The following SCML2 variants were observed in gnomAD, a reference collection of about 807,000 sequenced individuals.
The protein encoded by SCML2 is Scm polycomb group protein like 2, also known as sex comb on midleg-like protein 2.
A neutral mutation model predicts 48.4 loss-of-function variants in SCML2; 6 were observed. That is an observed-to-expected ratio of 0.12 (90% CI 0.07 to 0.24). The LOEUF is 0.24. Among genes scored for constraint, SCML2 ranks in the 10% least tolerant of loss-of-function variants. SCML2 has a pLI of 1.00. For synonymous variants in SCML2, 181 were observed against 189.5 expected (o/e 0.95, Z 0.37); for missense variants, 377 against 528.2 (o/e 0.71, Z 2.81).
intron 7 of SCML2, among the ~76,000 whole-genome samples, chrX:18,284,666 T>C (rs1927983060): frequency 8.9e-6 from 1 of 112,318 alleles, no homozygotes; most frequent in Admixed American, 9.4e-5. Context: ...TCATCACTAA[T>C]TATCAGAGAA....
chrX:18,274,460 T>C (rs1927564370), intron 7 of SCML2, among the ~76,000 whole-genome samples: 1 of 112,389 alleles, frequency 8.9e-6, no homozygotes, highest in Non-Finnish European at 1.9e-5. Context: ...AGCCTCTTAA[T>C]TGCCATTCCA....
chrX:18,347,723 C>CAAAA (rs749758995), intron 1 of SCML2, among the ~76,000 whole-genome samples: 5 of 21,923 alleles, frequency 2.3e-4, no homozygotes, highest in Non-Finnish European at 2.7e-4. Flanking sequence ...GACTCCGTCT[C>CAAAA]AAAAAAAAAA....
chrX:18,248,196 G>A (rs374761800), intron 11 of SCML2, among the ~76,000 whole-genome samples: 2 of 111,679 alleles, frequency 1.8e-5, no homozygotes, highest in South Asian at 7.5e-4. Flanking sequence ...TGTCTAAAAT[G>A]GCCTGAGAAA....
intron 7 of SCML2, among the ~76,000 whole-genome samples, chrX:18,285,716 G>GT (rs1413211099): frequency 9.0e-6 from 1 of 111,330 alleles, no homozygotes; most frequent in Non-Finnish European, 1.9e-5. Flanking sequence ...TTAGTTTTTT[G>GT]TTTTTTCCTC....
At chrX:18,325,086 G>T (rs746154369) in intron 3 of SCML2, 109 bp from the exon 4 acceptor site, 65 of 241,652 alleles carry the variant, frequency 2.7e-4, no homozygotes, top group East Asian at 5.1e-4. Context: ...CCTCTTAAAA[G>T]AAAAAAAAAA....
chrX:18,338,307 G>C (rs925046775), intron 1 of SCML2, among the ~76,000 whole-genome samples: 3 of 109,844 alleles, frequency 2.7e-5, no homozygotes, highest in Non-Finnish European at 5.7e-5. Context: ...AGCCGGGCAT[G>C]GTGGCACATG....
intron 10 of SCML2, 109 bp downstream of exon 10, chrX:18,257,935 A>G (rs1434500160): frequency 5.0e-6 from 2 of 396,373 alleles, no homozygotes. Flanking sequence ...GGGGAAGGGG[A>G]GGGGAAAGGG....
intron 1 of SCML2, among the ~76,000 whole-genome samples, chrX:18,337,757 T>C (rs972188974): frequency 6.3e-5 from 7 of 111,643 alleles, no homozygotes; most frequent in African/African-American, 1.3e-4. Context: ...ACATCATCAG[T>C]TGGATATAAT....
At chrX:18,328,055 A>G (rs1040987654) in intron 3 of SCML2, among the ~76,000 whole-genome samples, 1 of 111,556 alleles carries the variant, frequency 9.0e-6, no homozygotes, top group African/African-American at 3.3e-5. Flanking sequence ...TTTTATATAT[A>G]TATCTCCTTG....
intron 1 of SCML2, among the ~76,000 whole-genome samples, chrX:18,337,979 T>G (rs1454866377): frequency 7.1e-5 from 8 of 111,933 alleles, no homozygotes; most frequent in Non-Finnish European, 1.3e-4. Context: ...TCCCAAATAT[T>G]TGGAGATTAA....
At chrX:18,271,635 G>T (rs1389579091) in intron 7 of SCML2, among the ~76,000 whole-genome samples, 2 of 109,535 alleles carry the variant, frequency 1.8e-5, no homozygotes, top group African/African-American at 6.7e-5. Context: ...ATATATTCTG[G>T]GGGATACATT....
intron 7 of SCML2, among the ~76,000 whole-genome samples, chrX:18,294,431 G>A (rs950180180): frequency 1.2e-4 from 13 of 110,750 alleles, no homozygotes; most frequent in Admixed American, 9.6e-4. Context: ...CATGGACTCC[G>A]CCAGCCCTAG....
At chrX:18,264,338 C>T (rs1472793424) in intron 8 of SCML2, among the ~76,000 whole-genome samples, 1 of 110,288 alleles carries the variant, frequency 9.1e-6, no homozygotes, top group African/African-American at 3.3e-5. Context: ...GAATCTTTTA[C>T]TTCAGATATT....
At chrX:18,251,529 A>G (rs907494869) in intron 11 of SCML2, among the ~76,000 whole-genome samples, 3 of 111,449 alleles carry the variant, frequency 2.7e-5, no homozygotes, top group African/African-American at 9.8e-5. Context: ...GCCAAAAAGC[A>G]TAAGAAAAGA....
intron 7 of SCML2, among the ~76,000 whole-genome samples, chrX:18,298,357 C>T (rs1928464678): frequency 8.9e-6 from 1 of 111,753 alleles, no homozygotes; most frequent in Admixed American, 9.5e-5. Context: ...CACCTGACTT[C>T]AAAATACATT....
At chrX:18,317,125 G>A (rs768368233) in intron 6 of SCML2, among the ~76,000 whole-genome samples, 5 of 111,264 alleles carry the variant, frequency 4.5e-5, no homozygotes, top group Admixed American at 1.9e-4. Flanking sequence ...TCCCTGTGTT[G>A]CCCAGGCTGG....
intron 7 of SCML2, among the ~76,000 whole-genome samples, chrX:18,294,135 T>C (rs986065551): frequency 8.9e-6 from 1 of 112,076 alleles, no homozygotes; most frequent in Non-Finnish European, 1.9e-5. Flanking sequence ...TAATAGTCCA[T>C]GAGATTTTTT....
chrX:18,291,210 G>A (rs1225023519), intron 7 of SCML2, among the ~76,000 whole-genome samples: 1 of 111,493 alleles, frequency 9.0e-6, no homozygotes, highest in Admixed American at 9.6e-5. Flanking sequence ...CTCTGTACGG[G>A]TCTCGTGAGT....
chrX:18,262,588 G>A (rs1927108502), intron 8 of SCML2, among the ~76,000 whole-genome samples: 1 of 108,513 alleles, frequency 9.2e-6, no homozygotes, highest in Non-Finnish European at 1.9e-5. Flanking sequence ...TGATTCACCA[G>A]CCTCAGCCTC....
Sources: gnomAD v4.1 joint callset for allele counts (sites outside exome capture counted in the v4.1 genomes callset) on GRCh38, gnomAD v4.1.1 for gene constraint, MANE v1.5 for transcripts, NCBI Gene and HGNC (gene_info 2026-07-23, HGNC 2026-07-21) for gene names.